Variants in DOCK2 observed in about 807,000 individuals in gnomAD.
The protein encoded by DOCK2 is dedicator of cytokinesis protein 2.
DOCK2 carries 87 observed loss-of-function variants against 248.9 expected under a neutral mutation model. That is an observed-to-expected ratio of 0.35 (90% CI 0.29 to 0.42). The LOEUF is 0.42. Ranked by LOEUF, DOCK2 falls within the 10% of genes least tolerant of loss-of-function variation. DOCK2 has a pLI of 1.00. For synonymous variants in DOCK2, 805 were observed against 821.6 expected, an observed-to-expected ratio of 0.98 and a Z score of 0.35; for missense variants, 1,747 against 2,300.2, an observed-to-expected ratio of 0.76 and a Z score of 4.92.
chr5:170,005,309 T>C (rs1225353122), intron 30 of DOCK2, among the ~76,000 whole-genome samples: 3 of 152,144 alleles, frequency 2.0e-5, no homozygotes, highest in Admixed American at 2.0e-4. Context: ...TGTGACAATA[T>C]AGCAATTGAT....
intron 2 of DOCK2, among the ~76,000 whole-genome samples, chr5:169,658,373 A>C (rs1298695507): frequency 6.7e-6 from 1 of 150,304 alleles, no homozygotes; most frequent in African/African-American, 2.5e-5. Flanking sequence ...CCAGCTACTC[A>C]GGAGGCTGAG....
chr5:169,796,698 C>T (rs1246679780), intron 25 of DOCK2, among the ~76,000 whole-genome samples: 1 of 152,128 alleles, frequency 6.6e-6, no homozygotes, highest in Non-Finnish European at 1.5e-5. Flanking sequence ...AAGGCAAAGG[C>T]GGGGTGTCAG....
At chr5:169,970,929 A>G (rs1581487338) in intron 27 of DOCK2, among the ~76,000 whole-genome samples, 1 of 151,744 alleles carries the variant, frequency 6.6e-6, no homozygotes, top group Non-Finnish European at 1.5e-5. Flanking sequence ...GCAGGAAGAA[A>G]CCTTCAAAGG....
intron 27 of DOCK2, among the ~76,000 whole-genome samples, chr5:169,925,806 C>T (rs1399758610): frequency 2.0e-5 from 3 of 152,056 alleles, no homozygotes; most frequent in Non-Finnish European, 4.4e-5. Context: ...GTCCTTCATA[C>T]ATATTATCTA....
At chr5:169,954,108 C>T (rs1418037518) in intron 27 of DOCK2, among the ~76,000 whole-genome samples, 5 of 152,220 alleles carry the variant, frequency 3.3e-5, no homozygotes, top group Non-Finnish European at 5.9e-5. Context: ...ATCAAACATA[C>T]TGAAAGTCAC....
At chr5:170,021,105 A>G (rs376021432) in intron 33 of DOCK2, among the ~76,000 whole-genome samples, 22 of 152,240 alleles carry the variant, frequency 1.4e-4, no homozygotes, top group East Asian at 1.3e-3. Context: ...CTCTAGTGCC[A>G]GAAGGGCTAG....
chr5:169,923,323 A>C (rs1486994689), intron 27 of DOCK2, among the ~76,000 whole-genome samples: 3 of 152,186 alleles, frequency 2.0e-5, no homozygotes, highest in Admixed American at 6.5e-5. Flanking sequence ...ATATTTCCTA[A>C]ATTTCCTACA....
intron 26 of DOCK2, among the ~76,000 whole-genome samples, chr5:169,808,162 T>A (rs1450036656): frequency 6.6e-6 from 1 of 152,144 alleles, no homozygotes; most frequent in African/African-American, 2.4e-5. Context: ...TGGCTTTTAG[T>A]TGGCATCATG....
At chr5:169,820,183 C>T (rs539235838) in intron 26 of DOCK2, among the ~76,000 whole-genome samples, 60 of 152,368 alleles carry the variant, frequency 3.9e-4, no homozygotes, top group Admixed American at 1.9e-3. Flanking sequence ...CTGTAGACTG[C>T]ACCTCTGGGG....
In DOCK2 at chr5:169,761,553, C is replaced by A; in HGVS notation, c.2482C>A (p.Pro828Thr). The stretch of plus-strand genomic sequence containing the variant: ...GTATGAGTTCTACACCTGCATCCCT[C>A]CTGTGAAACTCCAGAAGCAGAAAGT... ...LLYEFYTCIP[P>T]VKLQKQKVQS... The change falls in exon 25 of 52, where the codon CCT (proline) becomes ACT (threonine). Residue 828 changes from proline to threonine, a missense_variant. Around this residue, in one of 4 missense-constraint regions of DOCK2, gnomAD observed 858 missense variants for 1,183.5 expected, o/e 0.72. Transcript: ENST00000520908. The A allele has an allele frequency of 6.2e-7, 1 of 1,614,120 alleles. No homozygotes were observed. The highest frequency in any genetic ancestry group is 1.1e-5 in the South Asian group (1 of 91,082).
chr5:169,826,534 A>G (rs538468720), intron 26 of DOCK2, among the ~76,000 whole-genome samples: 1 of 152,260 alleles, frequency 6.6e-6, no homozygotes, highest in Admixed American at 6.5e-5. Flanking sequence ...AGGTAAAGGT[A>G]TGGTGAATTC....
intron 27 of DOCK2, chr5:169,864,454 T>A: frequency 6.5e-7 from 1 of 1,534,392 alleles, no homozygotes; most frequent in Non-Finnish European, 8.8e-7. Flanking sequence ...AAAATCATAC[T>A]CTACACTGAA....
At chr5:169,746,265 A>G (rs1763606484) in intron 22 of DOCK2, among the ~76,000 whole-genome samples, 1 of 152,186 alleles carries the variant, frequency 6.6e-6, no homozygotes, top group African/African-American at 2.4e-5. Context: ...GAAGATAAAC[A>G]GAAGAGGCAC....
chr5:169,713,077 T>G (rs967866214), intron 17 of DOCK2, among the ~76,000 whole-genome samples: 4 of 152,232 alleles, frequency 2.6e-5, no homozygotes, highest in African/African-American at 7.2e-5. Flanking sequence ...CTTCATCTCA[T>G]AGTACTCTTG....
intron 30 of DOCK2, among the ~76,000 whole-genome samples, chr5:169,998,536 G>A (rs1026551300): frequency 6.6e-6 from 1 of 152,152 alleles, no homozygotes; most frequent in Non-Finnish European, 1.5e-5. Context: ...GCACTTTAAG[G>A]GCATTATCTT....
intron 25 of DOCK2, among the ~76,000 whole-genome samples, chr5:169,780,789 C>T (rs1452160829): frequency 3.3e-5 from 5 of 152,106 alleles, no homozygotes; most frequent in Non-Finnish European, 7.4e-5. Context: ...TCTTGGGAAC[C>T]GTAACTTTAA....
At chr5:169,875,580 G>C in intron 27 of DOCK2, 1 of 228,688 alleles carries the variant, frequency 4.4e-6, no homozygotes, top group South Asian at 5.4e-5. Context: ...TTGTGCAAGT[G>C]CCTCGCCTCT....
At chr5:169,812,694 A>G (rs535639883) in intron 26 of DOCK2, among the ~76,000 whole-genome samples, 1 of 152,238 alleles carries the variant, frequency 6.6e-6, no homozygotes, top group South Asian at 2.1e-4. Flanking sequence ...AATAATCTGC[A>G]CTCTATGCAC....
intron 22 of DOCK2, among the ~76,000 whole-genome samples, chr5:169,729,203 CA>C (rs1287730381): frequency 6.6e-6 from 1 of 152,144 alleles, no homozygotes; most frequent in Non-Finnish European, 1.5e-5. Context: ...TCTAGTTTGC[CA>C]GAAGGGTGAA....
Sources: allele counts gnomAD v4.1 joint callset (sites outside exome capture counted in the v4.1 genomes callset), GRCh38; gene constraint gnomAD v4.1.1; regional missense constraint gnomAD v4.1.1; transcripts MANE v1.5; gene names NCBI Gene and HGNC (gene_info 2026-07-23, HGNC 2026-07-21).